The following FAM174C variants were observed in gnomAD, a reference collection of about 807,000 sequenced individuals.
FAM174C encodes family with sequence similarity 174 member C, also known as protein FAM174C.
A neutral mutation model predicts 12.3 loss-of-function variants in FAM174C; 19 were observed. That is an observed-to-expected ratio of 1.55 (90% CI 1.08 to 2.27). The LOEUF is 2.27. Ranked by LOEUF, FAM174C falls within the 30% of genes most tolerant of loss-of-function variation. The pLI is 0.00. For missense variants in FAM174C, 239 were observed against 190.2 expected, an observed-to-expected ratio of 1.26 and a Z score of -1.51; for synonymous variants, 147 against 103.5, an observed-to-expected ratio of 1.42 and a Z score of -2.55.
chr19:1,278,359 C>T (rs1380331714), intron 2 of FAM174C, among the ~76,000 whole-genome samples: 1 of 152,020 alleles, frequency 6.6e-6, no homozygotes, highest in East Asian at 1.9e-4. Flanking sequence ...TAGCAGGGTT[C>T]TGGGCAGGGA....
chr19:1,278,083 T>C (rs1013473732), intron 2 of FAM174C, among the ~76,000 whole-genome samples: 12 of 152,234 alleles, frequency 7.9e-5, no homozygotes, highest in African/African-American at 9.6e-5. Flanking sequence ...CCTTCTTGCT[T>C]TTTTAAGGCA....
intron 1 of FAM174C, chr19:1,276,889 G>C (rs143394250): frequency 7.1e-5 from 16 of 224,012 alleles, no homozygotes; most frequent in Non-Finnish European, 1.4e-4. Context: ...CCCTGTGTGA[G>C]CCTCAGTCTT....
At position 1,275,548 on chromosome 19, in the gene FAM174C, C is replaced by T. The variant is rs1024067239; in HGVS notation, c.-2C>T. On this transcript the variant is annotated 5_prime_UTR_variant, in exon 1 of 3. Coordinates refer to ENST00000409293, the MANE Select transcript of FAM174C (RefSeq NM_017914.4). ...GGGCGCCGCCACCGCTTCCGCCGGG[C>T]CATGGGGCCGCGCGTGCTGCAGCCG... is the stretch of plus-strand genomic sequence containing the variant. 2.4e-4 allele frequency: 295 copies of T among 1,210,758 alleles called. No individual in the cohort carries two copies. Among genetic ancestry groups the T allele is most frequent in the Non-Finnish European group, 2.9e-4 (284 of 975,612 alleles). The allele number at this position is 1,210,758 out of a possible 1,614,324, so 75.0% of individuals were successfully genotyped here. A position where few individuals can be genotyped will look rare whatever the true frequency, so the allele number is the denominator to read the frequency against.
At position 1,279,019 on chromosome 19, in the gene FAM174C, G is replaced by A. The variant is rs374471948; in HGVS notation, c.*242G>A. 33 of 1,611,566 alleles carry A rather than the reference G, an allele frequency of 2.0e-5. No homozygotes were observed. The highest frequency in any genetic ancestry group is 8.0e-5 in the African/African-American group (6 of 74,940). On this transcript the variant is annotated 3_prime_UTR_variant, in exon 3 of 3. Coordinates refer to ENST00000409293, the MANE Select transcript of FAM174C (RefSeq NM_017914.4). ...TCCTGGATGCTGTCCCAGCCTGGCC[G>A]AGGGTCCCAGGTGAAGACTGGAGGG...
At position 1,275,560 on chromosome 19, in the gene FAM174C, G is replaced by C; in HGVS notation, c.11G>C (p.Arg4Pro). 8.2e-7 allele frequency: 1 copy of C among 1,215,572 alleles called. No individual in the cohort carries two copies. Among genetic ancestry groups the C allele is most frequent in the East Asian group, 3.4e-5 (1 of 29,566 alleles). 75.3% of individuals were successfully genotyped at this position (1,215,572 alleles called of 1,614,324 possible). A position where few individuals can be genotyped will look rare whatever the true frequency, so the allele number is the denominator to read the frequency against. The change falls in exon 1 of 3, where the codon CGC becomes CCC. Residue 4 changes from arginine (R) to proline (P), a missense_variant. By Grantham distance (103) the Arg-to-Pro change is moderately radical (BLOSUM62 -2). Coordinates refer to ENST00000409293, the MANE Select transcript of FAM174C (RefSeq NM_017914.4). The stretch of plus-strand genomic sequence containing the variant: ...CGCTTCCGCCGGGCCATGGGGCCGC[G>C]CGTGCTGCAGCCGCCGCTGCTGCTG... MGP[R>P]VLQPPLLLLL...
intron 2 of FAM174C, among the ~76,000 whole-genome samples, chr19:1,278,494 G>C (rs548955938): frequency 2.0e-5 from 3 of 152,188 alleles, no homozygotes; most frequent in Non-Finnish European, 1.5e-5. Context: ...GACTTTTTGA[G>C]CCCCCAGGGA....
intron 1 of FAM174C, chr19:1,276,978 G>A: frequency 1.4e-6 from 1 of 722,938 alleles, no homozygotes; most frequent in Non-Finnish European, 2.0e-6. Flanking sequence ...GCCTGGTAGG[G>A]CACATGTCTT....
rs929779514 is a variant in FAM174C, at chr19:1,275,693, G to C, written c.144G>C (p.Gly48=). The C allele has an allele frequency of 2.0e-6, 3 of 1,483,132 alleles. No homozygotes were observed. Among genetic ancestry groups the C allele is most frequent in the Admixed American group, 2.5e-5 (1 of 40,114 alleles). The allele number at this position is 1,483,132 out of a possible 1,614,324, so 91.9% of individuals were successfully genotyped here. A position where few individuals can be genotyped will look rare whatever the true frequency, so the allele number is the denominator to read the frequency against. ...TLSPPPAVTN[G]SQPGAPHNST... ...CGCCGCCGCCGGCCGTGACGAACGG[G>C]AGCCAGCCGGGCGCGCCACACAACA... The change falls in exon 1 of 3, where the codon GGG becomes GGC. Residue 48 remains glycine (G), a synonymous_variant. Transcript: ENST00000409293.
intron 1 of FAM174C, chr19:1,276,364 T>C (rs112777304): frequency 0.011 from 1,757 of 156,284 alleles, 40 homozygotes; most frequent in African/African-American, 0.041. Flanking sequence ...CTCGCGGGGG[T>C]CTCCAGCTGT....
chr19:1,278,902 A>G lies in FAM174C; in HGVS notation c.*125A>G, dbSNP rs2081427537. 2 of 1,613,086 alleles carry G rather than the reference A, an allele frequency of 1.2e-6. No individual in the cohort carries two copies. The highest frequency in any genetic ancestry group is 2.7e-5 in the African/African-American group (2 of 75,022). On this transcript the variant is annotated 3_prime_UTR_variant, in exon 3 of 3. Transcript: ENST00000409293. ...CCCTGCTGGCCCCGGGGCTGGTCTC[A>G]CCCAGTGCCAACCCGAGAGCTCCTT...
chr19:1,276,966 G>A, intron 1 of FAM174C: 2 of 584,890 alleles, frequency 3.4e-6, no homozygotes, highest in South Asian at 6.9e-5. Context: ...GGAGATGGGA[G>A]GGCCTGGTAG....
intron 1 of FAM174C, chr19:1,276,074 A>C (rs1216405665): frequency 1.9e-6 from 1 of 513,954 alleles, no homozygotes. Context: ...GCCGCCTCTT[A>C]ACTCGGGGGT....
Position 1,277,232 on chromosome 19 carries a change from GACCCC to G in FAM174C, c.334_338del (p.Pro112GlyfsTer14). Reference sequence around the variant, plus strand: ...ATACGGCCTCCTCGCCAACACTGAGGACCCCACGGAGATGGCCTCGCTGGACAGCG... The same window carrying G: ...ATACGGCCTCCTCGCCAACACTGAGGACGGAGATGGCCTCGCTGGACAGCG... On this transcript the variant is annotated frameshift_variant, in exon 2 of 3. Coordinates refer to ENST00000409293, the MANE Select transcript of FAM174C (RefSeq NM_017914.4). LOFTEE classifies it high-confidence loss of function. 1 of 1,549,766 alleles carries G rather than the reference GACCCC, an allele frequency of 6.5e-7. No homozygotes were observed. Among genetic ancestry groups the G allele is most frequent in the Non-Finnish European group, 8.7e-7 (1 of 1,145,984 alleles).
rs1271637938 is a variant in FAM174C at position 1,275,809 on chromosome 19, A to G, written c.260A>G (p.Tyr87Cys). The G allele has an allele frequency of 8.5e-6, 13 of 1,537,484 alleles. No individual in the cohort carries two copies. Among genetic ancestry groups the G allele is most frequent in the East Asian group, 2.5e-5 (1 of 40,736 alleles). ...GGCTTCTGCGGCCTGACCGCGCTCTACTTCCTGATCCGGGCGTTTAGGTGC... is the reference window on the plus strand; with the variant it reads ...GGCTTCTGCGGCCTGACCGCGCTCTGCTTCCTGATCCGGGCGTTTAGGTGC... The part of the protein sequence containing the change: ...ILGFCGLTAL[Y>C]FLIRAFRLKK... The change falls in exon 1 of 3, where the codon TAC (tyrosine) becomes TGC (cysteine). Residue 87 changes from tyrosine to cysteine, a missense_variant. Tyr to Cys is a radical substitution (Grantham distance 194, BLOSUM62 -2). Transcript: ENST00000409293.
rs1234866641 is a variant in FAM174C at position 1,275,571 on chromosome 19, C to T, written c.22C>T (p.Pro8Ser). 3.3e-6 allele frequency: 4 copies of T among 1,223,256 alleles called. No individual in the cohort carries two copies. The highest frequency in any genetic ancestry group is 3.1e-5 in the African/African-American group (2 of 63,550). The allele number at this position is 1,223,256 out of a possible 1,614,324, so 75.8% of individuals were successfully genotyped here. Residue 8 changes from proline (P) to serine (S), a missense_variant, in exon 1 of 3, where the codon CCG (proline) becomes TCG (serine). By Grantham distance (74) the Pro-to-Ser change is moderately conservative. Transcript: ENST00000409293. ...GGCCATGGGGCCGCGCGTGCTGCAG[C>T]CGCCGCTGCTGCTGCTCCTGCTGGC... MGPRVLQPPLLLLLLALL... is the reference protein window; with the variant it reads MGPRVLQSPLLLLLLALL...
rs1039028174 is a variant in FAM174C, at chr19:1,275,734, C to A, written c.185C>A (p.Pro62Gln). 9 of 1,534,086 alleles carry A rather than the reference C, an allele frequency of 5.9e-6. No individual in the cohort carries two copies. In the Admixed American group the frequency reaches 1.4e-4, roughly 24 times the overall value. Residue 62 changes from proline (P) to glutamine (Q), a missense_variant, in exon 1 of 3, where the codon CCG becomes CAG. Transcript: ENST00000409293. ...CCACACAACAGCACGCACACGCGTC[C>A]GCCGGGGGCGTCGGGCTCGGCGCTG... ...GAPHNSTHTR[P>Q]PGASGSALTR...
Position 1,279,116 on chromosome 19 carries a change from C to T in FAM174C, c.*339C>T, listed in dbSNP as rs375280836. 1.7e-5 allele frequency: 28 copies of T among 1,612,848 alleles called. No individual in the cohort carries two copies. The East Asian group carries it at 2.0e-4, about 12-fold the overall frequency. On this transcript the variant is annotated 3_prime_UTR_variant, in exon 3 of 3. Transcript: ENST00000409293. Reference sequence around the variant, plus strand: ...GTGACTTGTGCCTCTCTCCTGCCCCCGTGGGGACATGGCAGCCCAGAGCCA... The same window carrying T: ...GTGACTTGTGCCTCTCTCCTGCCCCTGTGGGGACATGGCAGCCCAGAGCCA...
chr19:1,275,731 G>C lies in FAM174C; in HGVS notation c.182G>C (p.Arg61Pro). ...PGAPHNSTHTRPPGASGSALT... is the reference protein window; with the variant it reads ...PGAPHNSTHTPPPGASGSALT... ...GCGCCACACAACAGCACGCACACGCGTCCGCCGGGGGCGTCGGGCTCGGCG... is the reference window on the plus strand; with the variant it reads ...GCGCCACACAACAGCACGCACACGCCTCCGCCGGGGGCGTCGGGCTCGGCG... The change falls in exon 1 of 3, where the codon CGT becomes CCT. Residue 61 changes from arginine to proline, a missense_variant. Arg to Pro is a moderately radical substitution (Grantham distance 103, BLOSUM62 -2). Coordinates refer to ENST00000409293, the MANE Select transcript of FAM174C (RefSeq NM_017914.4). 6.5e-7 allele frequency: 1 copy of C among 1,533,410 alleles called. No individual in the cohort carries two copies. The highest frequency in any genetic ancestry group is 2.0e-5 in the Admixed American group (1 of 50,438). The allele number at this position is 1,533,410 out of a possible 1,614,324, so 95.0% of individuals were successfully genotyped here.
rs768511335 is a variant in FAM174C at position 1,279,175 on chromosome 19, C to G, written c.*398C>G. On this transcript the variant is annotated 3_prime_UTR_variant, in exon 3 of 3. Transcript: ENST00000409293. ...TGGGCAGGTGACCCAAGGAACCTTT[C>G]TGGGAACACCTTCTCGCCGGGCTGG... is the stretch of plus-strand genomic sequence containing the variant. 1.2e-6 allele frequency: 2 copies of G among 1,612,668 alleles called. No homozygotes were observed. Among genetic ancestry groups the G allele is most frequent in the Admixed American group, 1.7e-5 (1 of 59,978 alleles).
Sources: gnomAD v4.1 joint callset for allele counts (sites outside exome capture counted in the v4.1 genomes callset) on GRCh38, gnomAD v4.1.1 for gene constraint, MANE v1.5 for transcripts, NCBI Gene and HGNC (gene_info 2026-07-23, HGNC 2026-07-21) for gene names.